The following ABL1 variants were observed in gnomAD, a reference collection of about 807,000 sequenced individuals.
ABL1 encodes ABL proto-oncogene 1, non-receptor tyrosine kinase.
In ABL1, 11 loss-of-function variants were observed where a neutral mutation model predicts 94.7. That is an observed-to-expected ratio of 0.12 (90% confidence interval 0.07 to 0.19). The LOEUF (loss-of-function observed/expected upper bound fraction) is 0.19. Among genes scored for constraint, ABL1 ranks in the 10% least tolerant of loss-of-function variants. ABL1 has a pLI of 1.00. For missense variants in ABL1, 1,082 were observed against 1,489.4 expected, an observed-to-expected ratio of 0.73 and a Z score of 4.50; for synonymous variants, 656 against 622.4, an observed-to-expected ratio of 1.05 and a Z score of -0.80.
intron 1 of ABL1, among the ~76,000 whole-genome samples, chr9:130,817,053 T>C (rs749184765): frequency 6.6e-6 from 1 of 152,238 alleles, no homozygotes; most frequent in Admixed American, 6.5e-5. Flanking sequence ...TGGCAACTGC[T>C]GCTCACTTTC....
At chr9:130,738,534 G>A (rs982013793) in intron 1 of ABL1, among the ~76,000 whole-genome samples, 1 of 152,126 alleles carries the variant, frequency 6.6e-6, no homozygotes, top group Admixed American at 6.5e-5. Context: ...TAATACAGCA[G>A]GTCCCCAGAT....
intron 1 of ABL1, among the ~76,000 whole-genome samples, chr9:130,760,724 G>A (rs1198544150): frequency 6.6e-6 from 1 of 150,786 alleles, no homozygotes; most frequent in Non-Finnish European, 1.5e-5. Flanking sequence ...GTGCAGTGGC[G>A]CGATCTCGGC....
intron 4 of ABL1, among the ~76,000 whole-genome samples, chr9:130,864,226 G>A (rs1831120743): frequency 6.6e-6 from 1 of 152,092 alleles, no homozygotes; most frequent in South Asian, 2.1e-4. Flanking sequence ...TAAGGACCCT[G>A]GATATTTCTC....
intron 4 of ABL1, among the ~76,000 whole-genome samples, chr9:130,866,842 C>A (rs1490829721): frequency 1.3e-5 from 2 of 152,168 alleles, no homozygotes; most frequent in South Asian, 2.1e-4. Flanking sequence ...ACAAGAAGCT[C>A]TAATTTTTTT....
chr9:130,738,987 A>G (rs1276156967), intron 1 of ABL1, among the ~76,000 whole-genome samples: 1 of 152,076 alleles, frequency 6.6e-6, no homozygotes, highest in African/African-American at 2.4e-5. Context: ...CGTTCAAACA[A>G]TTCTCCTGTC....
intron 1 of ABL1, among the ~76,000 whole-genome samples, chr9:130,846,343 G>A (rs999558819): frequency 6.6e-5 from 10 of 152,132 alleles, no homozygotes; most frequent in African/African-American, 2.4e-4. Flanking sequence ...AATAAAACAC[G>A]AAGCCTCTTT....
chr9:130,884,032 A>G lies in ABL1; in HGVS notation c.1742A>G (p.Glu581Gly), dbSNP rs1467808878. Residue 581 changes from glutamate (E) to glycine (G), a missense_variant, in exon 11 of 11, where the codon GAG (glutamate) becomes GGG (glycine). By Grantham distance (98) the Glu-to-Gly change is moderately conservative (BLOSUM62 -2). Around this residue, in one of 7 missense-constraint regions of ABL1, gnomAD observed 780 missense variants for 835.8 expected, o/e 0.93. Coordinates refer to ENST00000318560, the MANE Select transcript of ABL1 (RefSeq NM_005157.6). This position sits in a 1 kb window ranked among gnomAD's most constrained non-coding sequence, Gnocchi z 5.6. The stretch of plus-strand genomic sequence containing the variant: ...CCTCGAAAAGAGCGAGGTCCCCCGG[A>G]GGGCGGCCTGAATGAAGATGAGCGC... ...LLPRKERGPP[E>G]GGLNEDERLL... 6.2e-7 allele frequency: 1 copy of G among 1,613,712 alleles called. No homozygotes were observed. The highest frequency in any genetic ancestry group is 1.3e-5 in the African/African-American group (1 of 74,908).
At chr9:130,768,787 G>A (rs761580229) in intron 1 of ABL1, among the ~76,000 whole-genome samples, 1 of 152,208 alleles carries the variant, frequency 6.6e-6, no homozygotes, top group Non-Finnish European at 1.5e-5. Flanking sequence ...CCTAACTAGA[G>A]ACAATTGGAA....
At chr9:130,811,778 G>A (rs975257152) in intron 1 of ABL1, among the ~76,000 whole-genome samples, 2 of 151,842 alleles carry the variant, frequency 1.3e-5, no homozygotes, top group Non-Finnish European at 2.9e-5. Context: ...GCATGGTGGT[G>A]GCACCTGCCC....
intron 1 of ABL1, among the ~76,000 whole-genome samples, chr9:130,727,753 C>T (rs1222857986): frequency 2.8e-5 from 2 of 71,208 alleles, no homozygotes; most frequent in African/African-American, 4.6e-5. Context: ...GAGACACCGC[C>T]CCCCCCCCCC....
intron 1 of ABL1, among the ~76,000 whole-genome samples, chr9:130,725,444 G>A (rs1272276282): frequency 3.3e-5 from 5 of 152,100 alleles, no homozygotes; most frequent in Non-Finnish European, 7.4e-5. Flanking sequence ...GCAATGGCGC[G>A]ATCTCGGCTC....
At chr9:130,718,807 G>C (rs930715649) in intron 1 of ABL1, among the ~76,000 whole-genome samples, 1 of 151,994 alleles carries the variant, frequency 6.6e-6, no homozygotes. Context: ...ACTTGAGCTC[G>C]GGAGGCCAAT....
intron 1 of ABL1, among the ~76,000 whole-genome samples, chr9:130,837,767 A>G (rs779507525): frequency 2.6e-5 from 4 of 152,196 alleles, no homozygotes; most frequent in Non-Finnish European, 5.9e-5. Context: ...TCTTTTGGGA[A>G]AAATAGTTCC....
At chr9:130,783,246 C>T (rs1422391734) in intron 1 of ABL1, among the ~76,000 whole-genome samples, 3 of 152,142 alleles carry the variant, frequency 2.0e-5, no homozygotes, top group South Asian at 4.1e-4. Flanking sequence ...GTGTAACTCT[C>T]GTGTGGAATA....
At chr9:130,879,486 C>T (rs951105232) in intron 8 of ABL1, among the ~76,000 whole-genome samples, 1 of 152,192 alleles carries the variant, frequency 6.6e-6, no homozygotes, top group Non-Finnish European at 1.5e-5. Flanking sequence ...TTCATGTACA[C>T]GAATCTCTGG....
chr9:130,856,657 T>C (rs1830980635), intron 3 of ABL1, among the ~76,000 whole-genome samples: 1 of 152,240 alleles, frequency 6.6e-6, no homozygotes, highest in Admixed American at 6.5e-5. Flanking sequence ...TAGTTCCTTC[T>C]AGAGTTACCT....
intron 1 of ABL1, among the ~76,000 whole-genome samples, chr9:130,813,043 G>A (rs539951911): frequency 1.2e-4 from 18 of 151,360 alleles, no homozygotes; most frequent in Admixed American, 6.6e-4. Context: ...GTGAAACCCC[G>A]TCTCTACGAA....
At chr9:130,813,212 G>GAAAA (rs905236117) in intron 1 of ABL1, among the ~76,000 whole-genome samples, 1 of 149,620 alleles carries the variant, frequency 6.7e-6, no homozygotes, top group Non-Finnish European at 1.5e-5. Context: ...ACTCCGTCTC[G>GAAAA]AAAAAAACAA....
exon 1 of ABL1, chr9:130,714,362 C>T: frequency 6.2e-7 from 1 of 1,613,414 alleles, no homozygotes; most frequent in Non-Finnish European, 8.5e-7. Flanking sequence ...CCAAAGAAGG[C>T]CAAGCTTGCC....
Sources: gnomAD v4.1 joint callset for allele counts (sites outside exome capture counted in the v4.1 genomes callset) on GRCh38, gnomAD v4.1.1 for gene constraint, gnomAD v4.1.1 regional missense constraint, Gnocchi (gnomAD v3.1) non-coding constraint, MANE v1.5 for transcripts, NCBI Gene and HGNC (gene_info 2026-07-23, HGNC 2026-07-21) for gene names.